The following HACE1 variants were observed in gnomAD, a reference collection of about 807,000 sequenced individuals.
HACE1 encodes HECT domain and ankyrin repeat containing E3 ubiquitin protein ligase 1.
In HACE1, 73 loss-of-function variants were observed where a neutral mutation model predicts 118.4. That is an observed-to-expected ratio of 0.62 (90% CI 0.51 to 0.75). HACE1 has a LOEUF of 0.75. Ranked by LOEUF, HACE1 falls within the 30% of genes least tolerant of loss-of-function variation. The probability of loss-of-function intolerance (pLI) is 0.00; values close to 1 mark genes in which losing one functional copy is unlikely to be tolerated. For missense variants in HACE1, 749 were observed against 1,102.2 expected, an observed-to-expected ratio of 0.68 and a Z score of 4.54; for synonymous variants, 368 against 374.8, an observed-to-expected ratio of 0.98 and a Z score of 0.21.
At chr6:104,795,969 A>G (rs369372008) in intron 9 of HACE1, among the ~76,000 whole-genome samples, 1 of 152,296 alleles carries the variant, frequency 6.6e-6, no homozygotes, top group East Asian at 1.9e-4. Context: ...AACGAAAGAG[A>G]AATTTAAATT....
At chr6:104,784,583 A>G (rs1782141627) in intron 12 of HACE1, 98 bp from the exon 13 acceptor site, 4 of 773,364 alleles carry the variant, frequency 5.2e-6, no homozygotes, top group Non-Finnish European at 8.2e-6. Flanking sequence ...TGGCTTCTAA[A>G]CCAAAAAAAA....
At chr6:104,858,859 T>C (rs1300899442) in intron 1 of HACE1, among the ~76,000 whole-genome samples, 1 of 152,176 alleles carries the variant, frequency 6.6e-6, no homozygotes, top group Non-Finnish European at 1.5e-5. Context: ...AGCAGAGTTT[T>C]ACCTGTCCTG....
chr6:104,744,366 C>T (rs1777173652), intron 21 of HACE1, 136 bp from the exon 22 acceptor site: 1 of 806,168 alleles, frequency 1.2e-6, no homozygotes, highest in Non-Finnish European at 2.2e-6. Flanking sequence ...TCATGCAAAG[C>T]TTTCATATGC....
intron 6 of HACE1, among the ~76,000 whole-genome samples, chr6:104,815,959 G>C (rs1257529356): frequency 6.6e-6 from 1 of 151,932 alleles, no homozygotes; most frequent in East Asian, 1.9e-4. Context: ...TGTAATTCCA[G>C]CTACTCGGGG....
chr6:104,822,579 G>A (rs542181401), intron 6 of HACE1, among the ~76,000 whole-genome samples: 12 of 151,882 alleles, frequency 7.9e-5, no homozygotes, highest in African/African-American at 1.9e-4. Context: ...AAAGTAGGCC[G>A]AGCGCGGTGG....
Position 104,820,236 on chromosome 6 carries a change from C to T in HACE1, c.535-8843G>A, listed in dbSNP as rs555077181. On this transcript the variant is annotated intron_variant, in intron 6 of 23. Coordinates refer to ENST00000262903, the MANE Select transcript of HACE1 (RefSeq NM_020771.4). ...AAAAGTAAAACCCAAAACCATAAAA[C>T]CCTGGAAAACAATGTAGGCAATACC... Among the ~76,000 whole-genome samples, 5 of 147,528 alleles carry T rather than the reference C, an allele frequency of 3.4e-5. No homozygotes were observed. In the South Asian group the frequency reaches 1.1e-3, roughly 33 times the overall value.
intron 20 of HACE1, among the ~76,000 whole-genome samples, chr6:104,748,299 A>AACAAATTACTT (rs1777661134): frequency 6.6e-6 from 1 of 152,200 alleles, no homozygotes; most frequent in African/African-American, 2.4e-5. Context: ...AGACACTTTG[A>AACAAATTACTT]AAACAGTACA....
chr6:104,790,032 T>A (rs1429160037), intron 11 of HACE1, among the ~76,000 whole-genome samples: 1 of 149,768 alleles, frequency 6.7e-6, no homozygotes, highest in African/African-American at 2.5e-5. Flanking sequence ...ATTACAAGAA[T>A]GCATAACTTC....
chr6:104,788,559 T>C (rs1167801930), intron 11 of HACE1, among the ~76,000 whole-genome samples: 1 of 152,146 alleles, frequency 6.6e-6, no homozygotes, highest in Non-Finnish European at 1.5e-5. Flanking sequence ...TAATGTCAAA[T>C]GCCACAACCC....
In HACE1 at chr6:104,791,486, G is replaced by A; in HGVS notation, c.1074+18C>T. The A allele has an allele frequency of 6.3e-7, 1 of 1,595,548 alleles. No homozygotes were observed. The highest frequency in any genetic ancestry group is 1.1e-5 in the South Asian group (1 of 90,662). On this transcript the variant is annotated intron_variant, in intron 11 of 23. Transcript: ENST00000262903. Reference sequence around the variant, plus strand: ...CTTTTACGTCTATCTTCCTAACAATGCCATATACTTTTCTCACCTTGAACA... The same window carrying A: ...CTTTTACGTCTATCTTCCTAACAATACCATATACTTTTCTCACCTTGAACA...
chr6:104,824,609 C>A (rs1425665809), intron 6 of HACE1, among the ~76,000 whole-genome samples: 1 of 152,166 alleles, frequency 6.6e-6, no homozygotes, highest in Admixed American at 6.5e-5. Flanking sequence ...TAAGGCACAA[C>A]ATAATTCAAG....
intron 7 of HACE1, among the ~76,000 whole-genome samples, chr6:104,805,471 T>C (rs959178277): frequency 1.3e-5 from 2 of 152,176 alleles, no homozygotes; most frequent in African/African-American, 4.8e-5. Context: ...CCATCCGTGA[T>C]AGACTGGATT....
At chr6:104,740,435 A>G (rs1408575459) in intron 22 of HACE1, among the ~76,000 whole-genome samples, 1 of 152,234 alleles carries the variant, frequency 6.6e-6, no homozygotes, top group Non-Finnish European at 1.5e-5. Flanking sequence ...ACTAAAAAAG[A>G]GAGAAGAATC....
In HACE1 at chr6:104,859,832, C is replaced by T. The variant is rs950290608; in HGVS notation, c.-190G>A. On this transcript the variant is annotated 5_prime_UTR_variant, in exon 1 of 24. Transcript: ENST00000262903. ...GGGGGCCGGGCTGCTGCCGGACCGA[C>T]CACCTACAGTACACCCGCCGCCGCC... The T allele has an allele frequency of 3.6e-5, 20 of 550,242 alleles. No individual in the cohort carries two copies. Among genetic ancestry groups the T allele is most frequent in the East Asian group, 1.4e-4 (4 of 29,014 alleles). 34.1% of individuals were successfully genotyped at this position (550,242 alleles called of 1,614,324 possible). A position where few individuals can be genotyped will look rare whatever the true frequency, so the allele number is the denominator to read the frequency against.
At chr6:104,759,695 AG>A in intron 19 of HACE1, among the ~76,000 whole-genome samples, 1 of 152,358 alleles carries the variant, frequency 6.6e-6, no homozygotes, top group South Asian at 2.1e-4. Flanking sequence ...GAAATAACTA[AG>A]ATCAGAGCAG....
chr6:104,755,569 TAACA>T (rs751532771), intron 19 of HACE1, among the ~76,000 whole-genome samples: 9 of 152,170 alleles, frequency 5.9e-5, no homozygotes, highest in African/African-American at 1.2e-4. Context: ...AATGAAATCA[TAACA>T]AACAGTCTCT....
chr6:104,858,905 C>T (rs1173346170), intron 1 of HACE1, among the ~76,000 whole-genome samples: 1 of 152,174 alleles, frequency 6.6e-6, no homozygotes, highest in Admixed American at 6.5e-5. Flanking sequence ...AAGTCCTGAT[C>T]CTCAGGGACC....
chr6:104,847,662 A>G (rs953876087), intron 4 of HACE1, among the ~76,000 whole-genome samples: 4 of 152,132 alleles, frequency 2.6e-5, no homozygotes, highest in Non-Finnish European at 4.4e-5. Context: ...GTAATGGACA[A>G]TTTTTAGCTC....
rs9373779 is a variant in HACE1, at chr6:104,750,721, T to A, written c.2212-249A>T. On this transcript the variant is annotated intron_variant, in intron 19 of 23. Transcript: ENST00000262903. ...TATCAGATCTACCTTTAAAAAAATA[T>A]TCTCAATCTTACCTTGTCTCACTAC... is the stretch of plus-strand genomic sequence containing the variant. 0.23 allele frequency among the ~76,000 whole-genome samples: 35,633 copies of A among 151,882 alleles called. 4,546 individuals are homozygous for A. The highest frequency in any genetic ancestry group is 0.34 in the African/African-American group (14,142 of 41,370).
Sources: gnomAD v4.1 joint callset for allele counts (sites outside exome capture counted in the v4.1 genomes callset) on GRCh38, gnomAD v4.1.1 for gene constraint, MANE v1.5 for transcripts, NCBI Gene and HGNC (gene_info 2026-07-23, HGNC 2026-07-21) for gene names.